UBQLN1: variants seen among roughly 807,000 people sequenced by gnomAD.
UBQLN1 encodes the protein ubiquilin-1.
UBQLN1 carries 13 observed loss-of-function variants against 65.4 expected under a neutral mutation model. The ratio of observed to expected loss-of-function variants is 0.20; its 90% CI spans 0.13 to 0.32. UBQLN1 has a LOEUF of 0.32. UBQLN1 is among the 10% of genes least tolerant of loss of function. The pLI is 1.00. For synonymous variants in UBQLN1, 267 were observed against 247.8 expected, an observed-to-expected ratio of 1.08 and a Z score of -0.73; for missense variants, 561 against 724.0, an observed-to-expected ratio of 0.77 and a Z score of 2.58.
intron 6 of UBQLN1, among the ~76,000 whole-genome samples, chr9:83,672,466 T>C (rs1220770255): frequency 6.6e-6 from 1 of 152,174 alleles, no homozygotes; most frequent in African/African-American, 2.4e-5. Flanking sequence ...TGTAGAGTTA[T>C]TAACTGACCC....
At chr9:83,678,793 T>C (rs1383948154) in intron 4 of UBQLN1, among the ~76,000 whole-genome samples, 194 bp from the exon 5 acceptor site, 1 of 152,136 alleles carries the variant, frequency 6.6e-6, no homozygotes, top group African/African-American at 2.4e-5. Context: ...CTTGGTTCAC[T>C]GCAAGCTCCG....
intron 6 of UBQLN1, among the ~76,000 whole-genome samples, chr9:83,675,469 A>C (rs893569647): frequency 2.8e-4 from 19 of 67,514 alleles, no homozygotes; most frequent in Non-Finnish European, 4.7e-4. Context: ...CTATGCCGTC[A>C]AAAAAAAAAA....
Position 83,707,594 on chromosome 9 carries a change from GCGGCCGCGGGGGCGCCAGCACCTT to G in UBQLN1, c.62_85del (p.Glu21_Ala28del). On this transcript the variant is annotated inframe_deletion, in exon 1 of 11. Transcript: ENST00000376395. ...CATGATTTTGGGCTCCGCGGAGGCA[GCGGCCGCGGGGGCGCCAGCACCTT>G]CGGCTCCGGCGGCGCTATCCTGGGA... The G allele has an allele frequency of 6.2e-7, 1 of 1,602,778 alleles. No individual in the cohort carries two copies. Among genetic ancestry groups the G allele is most frequent in the Non-Finnish European group, 8.5e-7 (1 of 1,175,366 alleles).
intron 7 of UBQLN1, 22 bp downstream of exon 7, chr9:83,669,163 T>C (rs1831690110): frequency 1.3e-6 from 2 of 1,597,188 alleles, no homozygotes; most frequent in African/African-American, 1.4e-5. Context: ...CACAGTCTTT[T>C]TCAATACAAT....
intron 1 of UBQLN1, among the ~76,000 whole-genome samples, chr9:83,704,824 CAAAAAA>C (rs780432842): frequency 1.4e-5 from 1 of 69,536 alleles, no homozygotes; most frequent in African/African-American, 5.5e-5. Flanking sequence ...GACTCCATCT[CAAAAAA>C]AAAAAAAAAA....
In UBQLN1 at chr9:83,661,703, T is replaced by C; in HGVS notation, c.*84A>G. On this transcript the variant is annotated 3_prime_UTR_variant, in exon 11 of 11. Transcript: ENST00000376395. Reference sequence around the variant, plus strand: ...TTATAACAGCACAGAATTCCAAGAGTCAAAATGAAATAAAGCAGGTATTTT... The same window carrying C: ...TTATAACAGCACAGAATTCCAAGAGCCAAAATGAAATAAAGCAGGTATTTT... The C allele has an allele frequency of 7.0e-7, 1 of 1,437,186 alleles. No homozygotes were observed. Among genetic ancestry groups the C allele is most frequent in the South Asian group, 1.4e-5 (1 of 72,254 alleles). 89.0% of individuals were successfully genotyped at this position (1,437,186 alleles called of 1,614,324 possible). A position where few individuals can be genotyped will look rare whatever the true frequency, so the allele number is the denominator to read the frequency against.
intron 6 of UBQLN1, 48 bp downstream of exon 6, chr9:83,677,679 T>C (rs1171088637): frequency 7.2e-7 from 1 of 1,382,218 alleles, no homozygotes; most frequent in Non-Finnish European, 1.0e-6. Context: ...GTTTTAATTA[T>C]GTAAATGAGG....
At chr9:83,699,968 A>G (rs528505241) in intron 1 of UBQLN1, among the ~76,000 whole-genome samples, 1 of 152,354 alleles carries the variant, frequency 6.6e-6, no homozygotes, top group East Asian at 1.9e-4. Flanking sequence ...AATCTGCCAC[A>G]GTGAGAATAT....
intron 4 of UBQLN1, among the ~76,000 whole-genome samples, chr9:83,679,030 C>A (rs1831893908): frequency 6.6e-6 from 1 of 152,138 alleles, no homozygotes; most frequent in Non-Finnish European, 1.5e-5. Flanking sequence ...CAGGAGGCCA[C>A]TGTTTTGGAC....
At chr9:83,663,464 CT>C (rs1831595193) in intron 10 of UBQLN1, among the ~76,000 whole-genome samples, 1 of 152,078 alleles carries the variant, frequency 6.6e-6, no homozygotes, top group Non-Finnish European at 1.5e-5. Flanking sequence ...GTAGTTAGGA[CT>C]TTTTTCCAGT....
rs755663112 is a variant in UBQLN1 at position 83,666,411 on chromosome 9, A to T, written c.1271T>A (p.Phe424Tyr). The T allele has an allele frequency of 1.9e-5, 31 of 1,613,792 alleles. No homozygotes were observed. The highest frequency in any genetic ancestry group is 2.5e-5 in the Non-Finnish European group (30 of 1,179,840). The change falls in exon 8 of 11, where the codon TTT becomes TAT. Residue 424 changes from phenylalanine (F) to tyrosine (Y), a missense_variant. Phe to Tyr is a conservative substitution (Grantham distance 22). Around this residue, in one of 8 missense-constraint regions of UBQLN1, gnomAD observed 102 missense variants for 150.7 expected, o/e 0.68. Coordinates refer to ENST00000376395, the MANE Select transcript of UBQLN1 (RefSeq NM_013438.5). ...TTCTTGAAGCTGAGGATTTCCAGCA[A>T]ATAGGGGATTATTCAGCATCATCTA... The part of the protein sequence containing the change: ...AAQMMLNNPL[F>Y]AGNPQLQEQM...
At chr9:83,691,068 GCAGA>G (rs1235450663) in intron 1 of UBQLN1, among the ~76,000 whole-genome samples, 2 of 151,288 alleles carry the variant, frequency 1.3e-5, no homozygotes, top group Admixed American at 6.6e-5. Flanking sequence ...AACCCAGGAG[GCAGA>G]GATTGCAGTG....
intron 6 of UBQLN1, among the ~76,000 whole-genome samples, chr9:83,672,063 C>G (rs1831742144): frequency 6.6e-6 from 1 of 152,214 alleles, no homozygotes; most frequent in Non-Finnish European, 1.5e-5. Context: ...CAGTCAACCT[C>G]AGCTACTTTC....
intron 2 of UBQLN1, among the ~76,000 whole-genome samples, chr9:83,685,489 T>C (rs1832025212): frequency 6.6e-6 from 1 of 152,228 alleles, no homozygotes; most frequent in East Asian, 1.9e-4. Flanking sequence ...TTCTTAGTGA[T>C]ACACAAAGGT....
chr9:83,694,680 A>C (rs1314858785), intron 1 of UBQLN1, among the ~76,000 whole-genome samples: 1 of 152,230 alleles, frequency 6.6e-6, no homozygotes, highest in African/African-American at 2.4e-5. Flanking sequence ...ACATGCTAGG[A>C]TAGATATACT....
rs531470745 is a variant in UBQLN1 at position 83,662,646 on chromosome 9, C to T, written c.1618-707G>A. On this transcript the variant is annotated intron_variant, in intron 10 of 10. Coordinates refer to ENST00000376395, the MANE Select transcript of UBQLN1 (RefSeq NM_013438.5). ...TATGTCACAATTAATTCTAATACTC[C>T]AAATCCTTCTTTCTTATTTATTCCA... Among the ~76,000 whole-genome samples, 3 of 152,260 alleles carry T rather than the reference C, an allele frequency of 2.0e-5. No homozygotes were observed. In the South Asian group the frequency reaches 6.2e-4, roughly 32 times the overall value.
At chr9:83,688,934 T>A (rs1832084302) in intron 1 of UBQLN1, among the ~76,000 whole-genome samples, 1 of 152,240 alleles carries the variant, frequency 6.6e-6, no homozygotes, top group Non-Finnish European at 1.5e-5. Flanking sequence ...TTTTTTAAGC[T>A]TTATGGAGAC....
At chr9:83,677,995 A>C in intron 5 of UBQLN1, 34 bp from the exon 6 acceptor site, 2 of 1,478,258 alleles carry the variant, frequency 1.4e-6, no homozygotes, top group Non-Finnish European at 9.2e-7. Flanking sequence ...CACAAAGAAT[A>C]AGCTTTTGTT....
At chr9:83,666,207 C>G (rs1831640667) in intron 8 of UBQLN1, 143 bp downstream of exon 8, 1 of 704,620 alleles carries the variant, frequency 1.4e-6, no homozygotes, top group Non-Finnish European at 2.4e-6. Context: ...GAAGATCAAG[C>G]TGAATTCTCT....
Sources: gnomAD v4.1 joint callset for allele counts (sites outside exome capture counted in the v4.1 genomes callset) on GRCh38, gnomAD v4.1.1 for gene constraint, gnomAD v4.1.1 regional missense constraint, MANE v1.5 for transcripts, NCBI Gene and HGNC (gene_info 2026-07-23, HGNC 2026-07-21) for gene names.